Variants in ZNF831 observed in about 807,000 individuals in gnomAD.
ZNF831 encodes chromosome 20 open reading frame 174.
In ZNF831, 59 loss-of-function variants were observed where a neutral mutation model predicts 95.8. The ratio of observed to expected loss-of-function variants is 0.62; its 90% CI spans 0.50 to 0.77. The LOEUF (loss-of-function observed/expected upper bound fraction) is 0.77, where lower values mean the gene tolerates loss of function less well. Ranked by LOEUF, ZNF831 falls within the 30% of genes least tolerant of loss-of-function variation. ZNF831 has a pLI of 0.00. For missense variants in ZNF831, 2,205 were observed against 2,164.0 expected, an observed-to-expected ratio of 1.02 and a Z score of -0.38; for synonymous variants, 961 against 925.5, an observed-to-expected ratio of 1.04 and a Z score of -0.70.
chr20:59,193,657 C>G lies in ZNF831; in HGVS notation c.2638C>G (p.Leu880Val), dbSNP rs545387355. 1 of 1,613,022 alleles carries G rather than the reference C, an allele frequency of 6.2e-7. No homozygotes were observed. The highest frequency in any genetic ancestry group is 8.5e-7 in the Non-Finnish European group (1 of 1,179,782). The stretch of plus-strand genomic sequence containing the variant: ...GAGTGCCAGGCAGGTGGGCGAGCCT[C>G]TGGAGTCCTCTGGAGCCTCCTTGGC... ...KESARQVGEP[L>V]ESSGASLAAA... The change falls in exon 2 of 6, where the codon CTG becomes GTG. Residue 880 changes from leucine to valine, a missense_variant. Physicochemically the swap from Leu to Val is conservative, Grantham distance 32. Coordinates refer to ENST00000371030, the MANE Select transcript of ZNF831 (RefSeq NM_178457.3).
chr20:59,141,816 G>C (rs1279167801), intron 1 of ZNF831, among the ~76,000 whole-genome samples: 1 of 152,234 alleles, frequency 6.6e-6, no homozygotes, highest in African/African-American at 2.4e-5. Flanking sequence ...GAGCTGTACT[G>C]TCAAAGTCAG....
intron 4 of ZNF831, among the ~76,000 whole-genome samples, chr20:59,240,477 A>T (rs1600675102): frequency 6.6e-6 from 1 of 152,160 alleles, no homozygotes; most frequent in Admixed American, 6.5e-5. Context: ...TCTAGAAATG[A>T]GATTTACTGA....
At chr20:59,141,897 C>T (rs1376964493) in intron 1 of ZNF831, among the ~76,000 whole-genome samples, 1 of 152,128 alleles carries the variant, frequency 6.6e-6, no homozygotes, top group Non-Finnish European at 1.5e-5. Context: ...CCCATGAACC[C>T]CCAGATTGGC....
chr20:59,185,487 T>C (rs1982942919), intron 1 of ZNF831, among the ~76,000 whole-genome samples: 1 of 152,080 alleles, frequency 6.6e-6, no homozygotes, highest in Admixed American at 6.5e-5. Flanking sequence ...GCTAAAGTTT[T>C]TGGGGGGCAC....
At chr20:59,146,026 A>G (rs1380170624) in intron 1 of ZNF831, among the ~76,000 whole-genome samples, 1 of 152,124 alleles carries the variant, frequency 6.6e-6, no homozygotes, top group East Asian at 1.9e-4. Flanking sequence ...CCAGCCGTGT[A>G]GCTGCCGCCG....
chr20:59,250,587 A>G (rs574616204), intron 4 of ZNF831, among the ~76,000 whole-genome samples: 2 of 152,278 alleles, frequency 1.3e-5, no homozygotes, highest in East Asian at 1.9e-4. Context: ...AAACAAACCA[A>G]TGGAAACAAA....
chr20:59,191,817 T>A lies in ZNF831; in HGVS notation c.798T>A (p.Ala266=), dbSNP rs2146554381. The part of the protein sequence containing the change: ...AKNLDVRTEA[A]PCPGSAFADR... ...ACCTGGATGTGAGGACCGAAGCTGC[T>A]CCCTGTCCAGGGTCCGCATTTGCCG... is the stretch of plus-strand genomic sequence containing the variant. The change falls in exon 2 of 6, where the codon GCT becomes GCA. Residue 266 remains alanine, a synonymous_variant. Transcript: ENST00000371030. The A allele has an allele frequency of 6.2e-7, 1 of 1,613,344 alleles. No individual in the cohort carries two copies. The highest frequency in any genetic ancestry group is 8.5e-7 in the Non-Finnish European group (1 of 1,179,916).
intron 2 of ZNF831, among the ~76,000 whole-genome samples, chr20:59,148,711 AAAAAAAAAAAAAAG>A (rs1980037436): frequency 1.2e-5 from 1 of 84,964 alleles, no homozygotes; most frequent in Non-Finnish European, 2.7e-5. Context: ...AAAAAAAAAA[AAAAAAAAAAAAAAG>A]AACAGAGCGT....
chr20:59,148,187 T>C (rs1045445663), intron 2 of ZNF831, among the ~76,000 whole-genome samples: 2 of 152,218 alleles, frequency 1.3e-5, no homozygotes, highest in Admixed American at 6.5e-5. Context: ...AAGTCATTTG[T>C]GGTCGGCCCA....
At chr20:59,179,026 G>T (rs887088919) in intron 1 of ZNF831, among the ~76,000 whole-genome samples, 15 of 152,104 alleles carry the variant, frequency 9.9e-5, no homozygotes, top group Middle Eastern at 3.2e-3. Context: ...CTTGAAGGGC[G>T]GGGGGTCCAC....
chr20:59,176,226 C>T (rs965160283), intron 1 of ZNF831, among the ~76,000 whole-genome samples: 51 of 152,240 alleles, frequency 3.3e-4, no homozygotes, highest in African/African-American at 1.0e-3. Flanking sequence ...CCAAAAAAGC[C>T]GCATAATATG....
chr20:59,220,547 C>T (rs1386053831), intron 4 of ZNF831, among the ~76,000 whole-genome samples: 1 of 152,226 alleles, frequency 6.6e-6, no homozygotes, highest in Admixed American at 6.5e-5. Flanking sequence ...ACTCCCTCTC[C>T]AGCCTCTTGA....
chr20:59,186,972 A>C (rs1983100937), intron 1 of ZNF831, among the ~76,000 whole-genome samples: 1 of 151,404 alleles, frequency 6.6e-6, no homozygotes, highest in Admixed American at 6.6e-5. Flanking sequence ...GACTTGTAGC[A>C]TTTGCTGATT....
rs1001008855 is a variant in ZNF831, at chr20:59,204,706, G to C, written c.3876-2199G>C. ...CTGACAAAGGTGGCAAGGGGGTGAC[G>C]AGTGTATCACCCTCACAGCCGGGTG... On this transcript the variant is annotated intron_variant, in intron 3 of 5. Coordinates refer to ENST00000371030, the MANE Select transcript of ZNF831 (RefSeq NM_178457.3). Among the ~76,000 whole-genome samples the C allele has an allele frequency of 2.0e-5, 3 of 152,300 alleles. No homozygotes were observed. In the South Asian group the frequency reaches 6.2e-4, roughly 32 times the overall value.
chr20:59,143,980 G>A (rs1005310846), intron 1 of ZNF831, among the ~76,000 whole-genome samples: 20 of 152,154 alleles, frequency 1.3e-4, no homozygotes, highest in South Asian at 4.2e-4. Flanking sequence ...CTGAGTGCTC[G>A]CAAGCTTTTT....
At chr20:59,203,071 T>A (rs1214967804) in intron 3 of ZNF831, among the ~76,000 whole-genome samples, 1 of 152,164 alleles carries the variant, frequency 6.6e-6, no homozygotes, top group Non-Finnish European at 1.5e-5. Flanking sequence ...ATTTGTAAAT[T>A]TTGATGTAGT....
chr20:59,182,250 T>C (rs772657630), intron 1 of ZNF831, among the ~76,000 whole-genome samples: 2 of 152,178 alleles, frequency 1.3e-5, no homozygotes, highest in Non-Finnish European at 2.9e-5. Flanking sequence ...AGGCAGAAGA[T>C]GTCTCAGGCA....
Position 59,192,166 on chromosome 20 carries a change from C to A in ZNF831, c.1147C>A (p.Pro383Thr), listed in dbSNP as rs775419361. 15 of 1,562,006 alleles carry A rather than the reference C, an allele frequency of 9.6e-6. No individual in the cohort carries two copies. Among genetic ancestry groups the A allele is most frequent in the Middle Eastern group, 1.8e-4 (1 of 5,658 alleles). Reference protein sequence around the residue: ...SEGEGGPGPGPGVAGAEPGAR... With the variant: ...SEGEGGPGPGTGVAGAEPGAR... ...GGGGGAGGGCGGCCCGGGCCCGGGGCCAGGGGTCGCAGGGGCCGAGCCCGG... is the reference window on the plus strand; with the variant it reads ...GGGGGAGGGCGGCCCGGGCCCGGGGACAGGGGTCGCAGGGGCCGAGCCCGG... The change falls in exon 2 of 6, where the codon CCA becomes ACA. Residue 383 changes from proline (P) to threonine (T), a missense_variant. By Grantham distance (38) the Pro-to-Thr change is conservative. Transcript: ENST00000371030. This position sits in a 1 kb window ranked among gnomAD's most constrained non-coding sequence, Gnocchi z 5.2.
At chr20:59,129,940 A>T (rs559878311) in intron 1 of ZNF831, among the ~76,000 whole-genome samples, 2 of 152,246 alleles carry the variant, frequency 1.3e-5, no homozygotes, top group South Asian at 4.1e-4. Context: ...CATTTATACC[A>T]TTTATCCTAT....
Sources: gnomAD v4.1 joint callset for allele counts (sites outside exome capture counted in the v4.1 genomes callset) on GRCh38, gnomAD v4.1.1 for gene constraint, Gnocchi (gnomAD v3.1) non-coding constraint, MANE v1.5 for transcripts, NCBI Gene and HGNC (gene_info 2026-07-23, HGNC 2026-07-21) for gene names.